Variants in UBE2F observed in about 807,000 individuals in gnomAD.
The protein encoded by UBE2F is NEDD8-conjugating enzyme UBE2F.
A neutral mutation model predicts 29.6 loss-of-function variants in UBE2F; 5 were observed. That is an observed-to-expected ratio of 0.17 (90% CI 0.09 to 0.36). The LOEUF (loss-of-function observed/expected upper bound fraction) is 0.36. UBE2F is among the 10% of genes least tolerant of loss of function. UBE2F has a pLI of 1.00. For synonymous variants in UBE2F, 66 were observed against 81.8 expected, an observed-to-expected ratio of 0.81 and a Z score of 1.04; for missense variants, 141 against 228.5, an observed-to-expected ratio of 0.62 and a Z score of 2.47.
intron 4 of UBE2F, among the ~76,000 whole-genome samples, chr2:238,002,780 T>C (rs2063823214): frequency 6.6e-6 from 1 of 151,344 alleles, no homozygotes; most frequent in Non-Finnish European, 1.5e-5. Flanking sequence ...CCTGGCTAAT[T>C]TTTATTTTAT....
At chr2:238,028,761 G>T (rs930189039) in intron 6 of UBE2F, among the ~76,000 whole-genome samples, 3 of 151,970 alleles carry the variant, frequency 2.0e-5, no homozygotes, top group African/African-American at 7.3e-5. Flanking sequence ...GATCTGAATT[G>T]ACTTTTGTGA....
rs2064845230 is a variant in UBE2F, at chr2:238,042,105, C to T, written c.*767C>T. The T allele has an allele frequency of 2.0e-5, 3 of 152,308 alleles. No homozygotes were observed. Among genetic ancestry groups the T allele is most frequent in the Admixed American group, 1.3e-4 (2 of 15,282 alleles). 9.4% of individuals were successfully genotyped at this position (152,308 alleles called of 1,614,324 possible). A position where few individuals can be genotyped will look rare whatever the true frequency, so the allele number is the denominator to read the frequency against. The stretch of plus-strand genomic sequence containing the variant: ...TGAGAATCTCACTCTTAAAAATCAG[C>T]TCTTGCTTTCGGGTCCGGATGTGGT... On this transcript the variant is annotated 3_prime_UTR_variant, in exon 10 of 10. Coordinates refer to ENST00000272930, the MANE Select transcript of UBE2F (RefSeq NM_080678.3).
intron 3 of UBE2F, among the ~76,000 whole-genome samples, chr2:237,991,609 C>CTTTTTTTTTTTTTTTTTTT (rs774476848): frequency 1.3e-4 from 7 of 53,042 alleles, no homozygotes; most frequent in Admixed American, 2.6e-4. Context: ...TTCTTTCTTT[C>CTTTTTTTTTTTTTTTTTTT]TTTTTTTTTT....
At chr2:237,994,652 C>A in intron 3 of UBE2F, 92 bp from the exon 4 acceptor site, 1 of 961,688 alleles carries the variant, frequency 1.0e-6, no homozygotes, top group Non-Finnish European at 1.7e-6. Flanking sequence ...ATCCCTGTAG[C>A]ACCGCTAACT....
At chr2:237,994,027 T>G (rs996039114) in intron 3 of UBE2F, among the ~76,000 whole-genome samples, 6 of 152,290 alleles carry the variant, frequency 3.9e-5, no homozygotes, top group Non-Finnish European at 8.8e-5. Flanking sequence ...GTAAAGGTAT[T>G]TTTTAAAAAG....
chr2:237,998,633 G>T (rs1576609696), intron 4 of UBE2F, among the ~76,000 whole-genome samples: 1 of 146,030 alleles, frequency 6.8e-6, no homozygotes. Flanking sequence ...TTTTTTACAA[G>T]CTTTTCGTGT....
chr2:238,024,668 C>T (rs1195411139), intron 5 of UBE2F, among the ~76,000 whole-genome samples: 2 of 152,074 alleles, frequency 1.3e-5, no homozygotes, highest in Non-Finnish European at 2.9e-5. Flanking sequence ...TTTAGGTGGC[C>T]TCCCAAAGTG....
chr2:237,977,736 C>G (rs933087759), intron 2 of UBE2F, among the ~76,000 whole-genome samples: 3 of 152,072 alleles, frequency 2.0e-5, no homozygotes, highest in Non-Finnish European at 4.4e-5. Flanking sequence ...AGGTGAAATC[C>G]AAACTCCCTT....
At chr2:238,025,309 G>A (rs763153739) in intron 5 of UBE2F, 33 bp from the exon 6 acceptor site, 45 of 1,589,736 alleles carry the variant, frequency 2.8e-5, no homozygotes, top group Admixed American at 1.7e-4. Context: ...AGAGACTGTC[G>A]GCGTGATCTC....
intron 5 of UBE2F, 75 bp downstream of exon 5, chr2:238,016,708 C>T (rs748046466): frequency 8.1e-5 from 108 of 1,329,732 alleles, no homozygotes; most frequent in Non-Finnish European, 1.1e-4. Context: ...GCCACTGGCA[C>T]AGGGCCCTAG....
chr2:237,992,684 T>C (rs1415893733), intron 3 of UBE2F, among the ~76,000 whole-genome samples: 3 of 152,174 alleles, frequency 2.0e-5, no homozygotes, highest in Non-Finnish European at 4.4e-5. Context: ...ATGTAGGAAT[T>C]AACCTTGCTT....
Position 237,967,031 on chromosome 2 carries a change from C to G in UBE2F, c.-118C>G. On this transcript the variant is annotated 5_prime_UTR_variant, in exon 1 of 10. Coordinates refer to ENST00000272930, the MANE Select transcript of UBE2F (RefSeq NM_080678.3). The surrounding 1 kb of genome is among the most constrained non-coding windows in gnomAD (Gnocchi z 6.3). The stretch of plus-strand genomic sequence containing the variant: ...GCCCCGCCACTTCCGGTCCCGCCGC[C>G]GGGAGCCGGTGCGGCTGTGAGGGGC... 1 of 1,280,628 alleles carries G rather than the reference C, an allele frequency of 7.8e-7. No individual in the cohort carries two copies. The allele number at this position is 1,280,628 out of a possible 1,614,324, so 79.3% of individuals were successfully genotyped here. A position where few individuals can be genotyped will look rare whatever the true frequency, so the allele number is the denominator to read the frequency against.
chr2:238,007,861 A>G (rs2063940022), intron 4 of UBE2F, among the ~76,000 whole-genome samples: 1 of 152,120 alleles, frequency 6.6e-6, no homozygotes, highest in Admixed American at 6.6e-5. Flanking sequence ...TGAGTTGCCT[A>G]ATTTTGGTGT....
intron 8 of UBE2F, among the ~76,000 whole-genome samples, chr2:238,034,208 C>T (rs2064651216): frequency 6.6e-6 from 1 of 151,862 alleles, no homozygotes; most frequent in Non-Finnish European, 1.5e-5. Flanking sequence ...CAGCAGATCA[C>T]CTGAGGTCAG....
intron 5 of UBE2F, among the ~76,000 whole-genome samples, chr2:238,020,233 T>C (rs4663277): frequency 0.86 from 130,766 of 152,278 alleles, 56,309 homozygotes; most frequent in East Asian, 0.97. Context: ...GGTGTGTAGC[T>C]TGTGCCTGCC....
At position 238,041,222 on chromosome 2, in the gene UBE2F, C is replaced by T. The variant is rs578047827; in HGVS notation, c.508-66C>T. 42 of 1,493,832 alleles carry T rather than the reference C, an allele frequency of 2.8e-5. No individual in the cohort carries two copies. In the East Asian group the frequency reaches 5.9e-4, roughly 21 times the overall value. The allele number at this position is 1,493,832 out of a possible 1,614,324, so 92.5% of individuals were successfully genotyped here. On this transcript the variant is annotated intron_variant, in intron 9 of 9. Coordinates refer to ENST00000272930, the MANE Select transcript of UBE2F (RefSeq NM_080678.3). ...TGGTGGATCTGACTTGTCCCTGAAG[C>T]GCTGCTTCACTCACTCACTCACTCC...
intron 5 of UBE2F, among the ~76,000 whole-genome samples, chr2:238,023,161 C>A (rs757635495): frequency 1.3e-5 from 2 of 152,196 alleles, no homozygotes; most frequent in Non-Finnish European, 2.9e-5. Flanking sequence ...GTGACTTGGC[C>A]TAGCACTAGC....
At chr2:238,007,618 A>G (rs1444544091) in intron 4 of UBE2F, among the ~76,000 whole-genome samples, 4 of 152,114 alleles carry the variant, frequency 2.6e-5, no homozygotes, top group South Asian at 2.1e-4. Context: ...TTCTGCATCT[A>G]CTGAGGTGAT....
At chr2:237,977,899 G>T (rs542534055) in intron 2 of UBE2F, among the ~76,000 whole-genome samples, 2 of 152,210 alleles carry the variant, frequency 1.3e-5, no homozygotes, top group Admixed American at 1.3e-4. Context: ...TCATGCCATA[G>T]GCTGGGTTTC....
Sources: gnomAD v4.1 joint callset for allele counts (sites outside exome capture counted in the v4.1 genomes callset) on GRCh38, gnomAD v4.1.1 for gene constraint, Gnocchi (gnomAD v3.1) non-coding constraint, MANE v1.5 for transcripts, NCBI Gene and HGNC (gene_info 2026-07-23, HGNC 2026-07-21) for gene names.